HAS1: variants seen among roughly 807,000 people sequenced by gnomAD.
The protein encoded by HAS1 is HA synthase 1.
HAS1 carries 27 observed loss-of-function variants against 35.0 expected under a neutral mutation model. The ratio of observed to expected loss-of-function variants is 0.77; its 90% CI spans 0.57 to 1.06. The LOEUF (loss-of-function observed/expected upper bound fraction) is 1.06. Ranked by LOEUF, HAS1 falls within the 50% of genes least tolerant of loss-of-function variation. HAS1 has a pLI of 0.00. For synonymous variants in HAS1, 409 were observed against 371.2 expected (o/e 1.10, Z -1.17); for missense variants, 940 against 814.8 (o/e 1.15, Z -1.87).
rs761020260 is a variant in HAS1, at chr19:51,719,480, T to TA, written c.424dup (p.Tyr142LeufsTer12). 1.3e-6 allele frequency: 2 copies of TA among 1,551,088 alleles called. No individual in the cohort carries two copies. Among genetic ancestry groups the TA allele is most frequent in the South Asian group, 2.4e-5 (2 of 84,124 alleles). On this transcript the variant is annotated frameshift_variant, in exon 2 of 5. Transcript: ENST00000540069. LOFTEE classifies it high-confidence loss of function. The stretch of plus-strand genomic sequence containing the variant: ...GACCTCGCGGAACATGTCGACCATG[T>TA]AGAGGTCCTCGGCGCGGTTGCCATC...
At chr19:51,715,334 T>C (rs2083579500) in intron 4 of HAS1, among the ~76,000 whole-genome samples, 1 of 151,958 alleles carries the variant, frequency 6.6e-6, no homozygotes, top group Admixed American at 6.6e-5. Flanking sequence ...TCCATCCTGC[T>C]CTCCTAATAC....
chr19:51,719,339 TCCTCCGCCTCCA>T lies in HAS1; in HGVS notation c.554_565del (p.Val185_Glu188del). The stretch of plus-strand genomic sequence containing the variant: ...CGCCTCCACTGCCAGCCGCCCAGGA[TCCTCCGCCTCCA>T]CCTCCCGATAGGCTCCGGCGCCCAC... On this transcript the variant is annotated inframe_deletion, in exon 2 of 5. Coordinates refer to ENST00000540069, the MANE Select transcript of HAS1 (RefSeq NM_001297436.2). The T allele has an allele frequency of 1.9e-6, 3 of 1,611,524 alleles. No individual in the cohort carries two copies. Among genetic ancestry groups the T allele is most frequent in the Non-Finnish European group, 2.5e-6 (3 of 1,178,934 alleles).
In HAS1 at chr19:51,716,406, G is replaced by A. The variant is rs745464010; in HGVS notation, c.926-18C>T. On this transcript the variant is annotated intron_variant, in intron 3 of 4. Transcript: ENST00000540069. The stretch of plus-strand genomic sequence containing the variant: ...ATATAGGCCTGGGTGGAGGGGAGGT[G>A]TGAAAGAGTGTCAGCCTCTGCTGTC... The A allele has an allele frequency of 3.8e-6, 6 of 1,599,272 alleles. No individual in the cohort carries two copies. The South Asian group carries it at 4.5e-5, about 12-fold the overall frequency.
Position 51,723,973 on chromosome 19 carries a change from G to T in HAS1, c.-40C>A. 1 of 1,535,036 alleles carries T rather than the reference G, an allele frequency of 6.5e-7. No individual in the cohort carries two copies. The highest frequency in any genetic ancestry group is 8.7e-7 in the Non-Finnish European group (1 of 1,144,958). ...CCGGGCTCTCTCTTCTCTCCGGCTTGCTCTCCCAGCCTCTCTGTGGCCAGA... is the reference window on the plus strand; with the variant it reads ...CCGGGCTCTCTCTTCTCTCCGGCTTTCTCTCCCAGCCTCTCTGTGGCCAGA... On this transcript the variant is annotated 5_prime_UTR_variant, in exon 1 of 5. Transcript: ENST00000540069.
rs760175059 is a variant in HAS1, at chr19:51,713,970, A to G, written c.1191T>C (p.His397=). ...CCACCGCCTCGTAGGTCATCCACGC[A>G]TGGTGCCGGTGCCACCAGAGCGCGT... ...LYNALWWHRH[H]AWMTYEAVVS... is the part of the protein sequence containing the mutation. The change falls in exon 5 of 5, where the codon CAT becomes CAC. Residue 397 remains histidine, a synonymous_variant. Coordinates refer to ENST00000540069, the MANE Select transcript of HAS1 (RefSeq NM_001297436.2). This position sits in a 1 kb window ranked among gnomAD's most constrained non-coding sequence, Gnocchi z 4.5. 2 of 1,613,200 alleles carry G rather than the reference A, an allele frequency of 1.2e-6. No individual in the cohort carries two copies. The highest frequency in any genetic ancestry group is 3.3e-5 in the Admixed American group (2 of 60,020).
chr19:51,713,886 G>A lies in HAS1; in HGVS notation c.1275C>T (p.Gly425=), dbSNP rs768986847. The A allele has an allele frequency of 1.2e-6, 2 of 1,606,168 alleles. No homozygotes were observed. The highest frequency in any genetic ancestry group is 1.7e-6 in the Non-Finnish European group (2 of 1,179,784). The stretch of plus-strand genomic sequence containing the variant: ...GCACCCACAGCAGCGCCCAAGGGCG[G>A]CCCGCGTAGAACAGACGCAGCACAG... ...AATVLRLFYA[G]RPWALLWVLL... Residue 425 remains glycine, a synonymous_variant, in exon 5 of 5, where the codon GGC becomes GGT. Coordinates refer to ENST00000540069, the MANE Select transcript of HAS1 (RefSeq NM_001297436.2). The surrounding 1 kb of genome is among the most constrained non-coding windows in gnomAD (Gnocchi z 4.5).
intron 3 of HAS1, 92 bp downstream of exon 3, chr19:51,716,876 T>C (rs2083589944): frequency 5.6e-6 from 5 of 887,646 alleles, no homozygotes; most frequent in Middle Eastern, 2.3e-4. Context: ...TGCATCTTTG[T>C]TCCCAACCCC....
Position 51,714,116 on chromosome 19 carries a change from AG to A in HAS1, c.1059-15del. 3 of 1,607,130 alleles carry A rather than the reference AG, an allele frequency of 1.9e-6. No individual in the cohort carries two copies. Among genetic ancestry groups the A allele is most frequent in the Non-Finnish European group, 2.5e-6 (3 of 1,177,120 alleles). On this transcript the variant is annotated splice_polypyrimidine_tract_variant and intron_variant, in intron 4 of 4. Transcript: ENST00000540069. ...CTGGAGGTGTACCTGCACGGGGGCG[AG>A]GAATGAGGGCATCATCGCGTGCTCC...
intron 1 of HAS1, among the ~76,000 whole-genome samples, chr19:51,720,814 G>A (rs768074913): frequency 1.9e-4 from 29 of 152,206 alleles, no homozygotes; most frequent in Non-Finnish European, 2.6e-4. Context: ...TCTTAAATCC[G>A]TGAGGATGAT....
At position 51,713,874 on chromosome 19, in the gene HAS1, C is replaced by CACCCACA; in HGVS notation, c.1286_1287insTGTGGGT (p.Leu430ValfsTer71). 1 of 1,606,136 alleles carries CACCCACA rather than the reference C, an allele frequency of 6.2e-7. No homozygotes were observed. Among genetic ancestry groups the CACCCACA allele is most frequent in the Non-Finnish European group, 8.5e-7 (1 of 1,179,696 alleles). ...GCACGCACAGCAGCACCCACAGCAG[C>CACCCACA]GCCCAAGGGCGGCCCGCGTAGAACA... is the stretch of plus-strand genomic sequence containing the variant. On this transcript the variant is annotated frameshift_variant, in exon 5 of 5. Transcript: ENST00000540069. LOFTEE classifies it low-confidence loss of function (END_TRUNC). This position sits in a 1 kb window ranked among gnomAD's most constrained non-coding sequence, Gnocchi z 4.5.
chr19:51,714,522 CT>C (rs1327677554), intron 4 of HAS1, among the ~76,000 whole-genome samples: 35 of 70,998 alleles, frequency 4.9e-4, no homozygotes, highest in African/African-American at 1.9e-3. Context: ...GACCCCATCT[CT>C]AAAAAAAAAA....
chr19:51,723,145 G>A (rs943135768), intron 1 of HAS1, among the ~76,000 whole-genome samples: 3 of 152,072 alleles, frequency 2.0e-5, no homozygotes, highest in East Asian at 1.9e-4. Flanking sequence ...TCCCCCACAC[G>A]TGAACTCACA....
At chr19:51,716,923 C>T in intron 3 of HAS1, 45 bp downstream of exon 3, 1 of 1,352,100 alleles carries the variant, frequency 7.4e-7, no homozygotes, top group Non-Finnish European at 1.1e-6. Flanking sequence ...TCCCTTCTCC[C>T]TTTCCACCCC....
In HAS1 at chr19:51,719,755, G is replaced by A. The variant is rs753685497; in HGVS notation, c.150C>T (p.Tyr50=). The change falls in exon 2 of 5, where the codon TAC becomes TAT. Residue 50 remains tyrosine, a synonymous_variant. Transcript: ENST00000540069. ...CGTAGAGGCCGAAGGCCAGGAGGCC[G>A]TAGCGATCGGAGGCCAGCGGCACCC... ...AAGVPLASDR[Y]GLLAFGLYGA... 1 of 1,565,878 alleles carries A rather than the reference G, an allele frequency of 6.4e-7. No homozygotes were observed. The highest frequency in any genetic ancestry group is 1.2e-5 in the South Asian group (1 of 85,766).
rs1315654887 is a variant in HAS1 at position 51,716,259 on chromosome 19, G to A, written c.1055C>T (p.Thr352Ile). The A allele has an allele frequency of 1.9e-6, 3 of 1,613,050 alleles. No homozygotes were observed. The highest frequency in any genetic ancestry group is 1.1e-5 in the South Asian group (1 of 91,018). ...CCACCTGGTCCCCTCAGCTTACTTG[G>A]TAGCATAACCCATGCTGAGCATGCG... ...TNRMLSMGYA[T>I]KYTSRSRCYS... The change falls in exon 4 of 5, where the codon ACC becomes ATC. Residue 352 changes from threonine (T) to isoleucine (I), a missense_variant. Thr to Ile is a moderately conservative substitution (Grantham distance 89, BLOSUM62 -1). Transcript: ENST00000540069.
chr19:51,713,542 A>C lies in HAS1; in HGVS notation c.1619T>G (p.Leu540Trp). ...GPSRAAEAYH[L>W]AAGAGAYVGY... is the part of the protein sequence containing the mutation. ...CACGTAGGCGCCGGCCCCCGCGGCC[A>C]AGTGGTAGGCCTCGGCTGCGCGGGA... The change falls in exon 5 of 5, where the codon TTG becomes TGG. Residue 540 changes from leucine to tryptophan, a missense_variant. Coordinates refer to ENST00000540069, the MANE Select transcript of HAS1 (RefSeq NM_001297436.2). This position sits in a 1 kb window ranked among gnomAD's most constrained non-coding sequence, Gnocchi z 4.5. The C allele has an allele frequency of 6.3e-7, 1 of 1,591,022 alleles. No individual in the cohort carries two copies. The highest frequency in any genetic ancestry group is 8.5e-7 in the Non-Finnish European group (1 of 1,169,644).
rs1160542789 is a variant in HAS1, at chr19:51,713,511, G to A, written c.1650C>T (p.Tyr550=). Reference sequence around the variant, plus strand: ...AGTACAGCGTCAACATGGCCACCCAGTAGCCCACGTAGGCGCCGGCCCCCG... The same window carrying A: ...AGTACAGCGTCAACATGGCCACCCAATAGCCCACGTAGGCGCCGGCCCCCG... The part of the protein sequence containing the change: ...LAAGAGAYVG[Y]WVAMLTLYWV... The change falls in exon 5 of 5, where the codon TAC becomes TAT. Residue 550 remains tyrosine (Y), a synonymous_variant. Coordinates refer to ENST00000540069, the MANE Select transcript of HAS1 (RefSeq NM_001297436.2). The surrounding 1 kb of genome is among the most constrained non-coding windows in gnomAD (Gnocchi z 4.5). 6.2e-7 allele frequency: 1 copy of A among 1,605,798 alleles called. No individual in the cohort carries two copies. Among genetic ancestry groups the A allele is most frequent in the South Asian group, 1.1e-5 (1 of 90,464 alleles).
intron 1 of HAS1, among the ~76,000 whole-genome samples, chr19:51,722,513 G>A (rs184502776): frequency 1.3e-3 from 201 of 152,288 alleles, no homozygotes; most frequent in African/African-American, 4.5e-3. Flanking sequence ...TATCTTATAT[G>A]TAGCAGGGGT....
chr19:51,721,256 C>T (rs2083629845), intron 1 of HAS1, among the ~76,000 whole-genome samples: 1 of 151,974 alleles, frequency 6.6e-6, no homozygotes, highest in African/African-American at 2.4e-5. Flanking sequence ...ACTGATTGGC[C>T]AGAAGGAGTG....
Sources: gnomAD v4.1 joint callset for allele counts (sites outside exome capture counted in the v4.1 genomes callset) on GRCh38, gnomAD v4.1.1 for gene constraint, Gnocchi (gnomAD v3.1) non-coding constraint, MANE v1.5 for transcripts, NCBI Gene and HGNC (gene_info 2026-07-23, HGNC 2026-07-21) for gene names.